The following LPXN variants were observed in gnomAD, a reference collection of about 807,000 sequenced individuals.
The protein encoded by LPXN is leupaxin.
A neutral mutation model predicts 45.6 loss-of-function variants in LPXN; 28 were observed. The ratio of observed to expected loss-of-function variants is 0.61; its 90% CI spans 0.45 to 0.84. The LOEUF (loss-of-function observed/expected upper bound fraction) is 0.84. Ranked by LOEUF, LPXN falls within the 40% of genes least tolerant of loss-of-function variation. The pLI is 0.00. For synonymous variants in LPXN, 166 were observed against 169.9 expected, an observed-to-expected ratio of 0.98 and a Z score of 0.18; for missense variants, 459 against 475.0, an observed-to-expected ratio of 0.97 and a Z score of 0.31.
chr11:58,541,886 T>G (rs1317129064), intron 7 of LPXN, among the ~76,000 whole-genome samples: 1 of 152,086 alleles, frequency 6.6e-6, no homozygotes, highest in Non-Finnish European at 1.5e-5. Flanking sequence ...TCATGTCCTT[T>G]GTAGGGACAT....
chr11:58,534,041 A>C (rs1853475615), intron 7 of LPXN, among the ~76,000 whole-genome samples: 1 of 152,214 alleles, frequency 6.6e-6, no homozygotes, highest in African/African-American at 2.4e-5. Flanking sequence ...TTAGAGACCT[A>C]CAAAGACTCT....
chr11:58,565,520 C>A lies in LPXN; in HGVS notation c.172-1319G>T, dbSNP rs187630416. Among the ~76,000 whole-genome samples, 327 of 145,674 alleles carry A rather than the reference C, an allele frequency of 2.2e-3. 2 individuals are homozygous for A. Among genetic ancestry groups the A allele is most frequent in the African/African-American group, 7.9e-3 (313 of 39,414 alleles). On this transcript the variant is annotated intron_variant, in intron 2 of 8. Transcript: ENST00000395074. Reference sequence around the variant, plus strand: ...CTGCACTCCAGCCTGGGTGACAGAGCGAGACTCGGTCTCAAAAAAAAAAAA... The same window carrying A: ...CTGCACTCCAGCCTGGGTGACAGAGAGAGACTCGGTCTCAAAAAAAAAAAA...
At chr11:58,528,271 A>T in intron 7 of LPXN, 80 bp from the exon 8 acceptor site, 2 of 1,303,462 alleles carry the variant, frequency 1.5e-6, no homozygotes, top group South Asian at 1.3e-5. Flanking sequence ...AGGCCCTTTC[A>T]ATCTCAGTGT....
At chr11:58,563,097 T>C (rs965667384) in intron 3 of LPXN, among the ~76,000 whole-genome samples, 6 of 152,386 alleles carry the variant, frequency 3.9e-5, no homozygotes, top group South Asian at 4.1e-4. Flanking sequence ...TTTCATGTTA[T>C]ATGTTCATGC....
At chr11:58,577,560 T>C (rs562856287), upstream of LPXN, among the ~76,000 whole-genome samples, 25 of 152,136 alleles carry the variant, frequency 1.6e-4, no homozygotes, top group African/African-American at 5.5e-4. Context: ...TTGTAATGGA[T>C]GAAAAGAAAA....
At chr11:58,552,279 T>G (rs1405712138) in intron 4 of LPXN, among the ~76,000 whole-genome samples, 1 of 151,556 alleles carries the variant, frequency 6.6e-6, no homozygotes, top group Non-Finnish European at 1.5e-5. Context: ...AAGCCCAAAA[T>G]TATTATAAAC....
At position 58,527,725 on chromosome 11, in the gene LPXN, T is replaced by A. The variant is rs755551193; in HGVS notation, c.892-2A>T. 2.5e-6 allele frequency: 4 copies of A among 1,612,324 alleles called. No homozygotes were observed. Among genetic ancestry groups the A allele is most frequent in the Non-Finnish European group, 3.4e-6 (4 of 1,178,682 alleles). On this transcript the variant is annotated splice_acceptor_variant, in intron 8 of 8. Coordinates refer to ENST00000395074, the MANE Select transcript of LPXN (RefSeq NM_004811.3). LOFTEE classifies it high-confidence loss of function. ...AGTAGAAAAACTGGTGAAGCAGTCC[T>A]GGGGTAGAGAGAAGAGAGAGAAAAA...
At chr11:58,551,336 C>G in intron 4 of LPXN, 104 bp from the exon 5 acceptor site, 1 of 911,556 alleles carries the variant, frequency 1.1e-6, no homozygotes, top group Non-Finnish European at 1.5e-6. Flanking sequence ...ATCTCTTGGC[C>G]TTTCCCCAAC....
At chr11:58,569,637 G>A (rs938930183) in intron 2 of LPXN, among the ~76,000 whole-genome samples, 2 of 151,924 alleles carry the variant, frequency 1.3e-5, no homozygotes, top group South Asian at 2.1e-4. Flanking sequence ...TGATCCCCCC[G>A]CCTCAGCCTT....
upstream of LPXN, among the ~76,000 whole-genome samples, chr11:58,578,408 C>T (rs1400056445): frequency 6.6e-6 from 1 of 152,014 alleles, no homozygotes; most frequent in African/African-American, 2.4e-5. Flanking sequence ...CCCAGAATGC[C>T]CTTGGTTAAG....
intron 7 of LPXN, among the ~76,000 whole-genome samples, chr11:58,534,304 C>G (rs917826214): frequency 2.0e-5 from 3 of 152,122 alleles, no homozygotes. Context: ...TGCAAAAGAA[C>G]AGAAATCATA....
chr11:58,562,216 T>A (rs1175161743), intron 3 of LPXN, among the ~76,000 whole-genome samples: 1 of 152,248 alleles, frequency 6.6e-6, no homozygotes, highest in African/African-American at 2.4e-5. Flanking sequence ...TATTGATATA[T>A]AACTATACTA....
chr11:58,541,933 C>T (rs1169434571), intron 7 of LPXN, among the ~76,000 whole-genome samples: 3 of 151,748 alleles, frequency 2.0e-5, no homozygotes, highest in Non-Finnish European at 4.4e-5. Context: ...AGTAAACTAT[C>T]TCAAGGACAA....
chr11:58,575,237 G>T (rs1240555225), intron 1 of LPXN, among the ~76,000 whole-genome samples: 5 of 152,170 alleles, frequency 3.3e-5, no homozygotes, highest in Non-Finnish European at 5.9e-5. Context: ...GAGTTAGAGT[G>T]CTATGCCTTC....
rs755521841 is a variant in LPXN, at chr11:58,564,166, G to A, written c.207C>T (p.Leu69=). The part of the protein sequence containing the change: ...QLVYTTNIQE[L]NVYSEAQEPK... ...AGAAAAAAAAATACCTGTAGACATTGAGCTCCTGGATATTGGTAGTATACA... is the reference window on the plus strand; with the variant it reads ...AGAAAAAAAAATACCTGTAGACATTAAGCTCCTGGATATTGGTAGTATACA... The change falls in exon 3 of 9, where the codon CTC becomes CTT. Residue 69 remains leucine (L), a synonymous_variant. Transcript: ENST00000395074. 9 of 1,597,228 alleles carry A rather than the reference G, an allele frequency of 5.6e-6. No homozygotes were observed. The African/African-American group carries it at 1.2e-4, about 22-fold the overall frequency.
rs529700903 is a variant in LPXN, at chr11:58,534,217, A to G, written c.743-6026T>C. ...ACTCTCCACCCGAAATCAACAGAAT[A>G]TACATTCTTGTCAGCACCACATCAT... On this transcript the variant is annotated intron_variant, in intron 7 of 8. Transcript: ENST00000395074. Among the ~76,000 whole-genome samples, 3 of 152,344 alleles carry G rather than the reference A, an allele frequency of 2.0e-5. No individual in the cohort carries two copies. In the East Asian group the frequency reaches 5.8e-4, roughly 29 times the overall value.
In LPXN at chr11:58,551,048, A is replaced by C; in HGVS notation, c.486+17T>G. The C allele has an allele frequency of 6.5e-7, 1 of 1,538,470 alleles. No homozygotes were observed. The highest frequency in any genetic ancestry group is 8.7e-7 in the Non-Finnish European group (1 of 1,143,660). ...AGACAAAGAAGGCTGTAGGACCAAA[A>C]TTTCAGCCCATCTCACCTTCCCAGC... is the stretch of plus-strand genomic sequence containing the variant. On this transcript the variant is annotated intron_variant, in intron 5 of 8. Coordinates refer to ENST00000395074, the MANE Select transcript of LPXN (RefSeq NM_004811.3).
chr11:58,575,702 AGGAGAT>A (rs770662714), intron 1 of LPXN, 52 bp downstream of exon 1: 745 of 1,593,490 alleles, frequency 4.7e-4, no homozygotes, highest in Non-Finnish European at 5.9e-4. Context: ...CCACCACACA[AGGAGAT>A]GGCAGCCAAG....
At chr11:58,568,297 T>G (rs955788371) in intron 2 of LPXN, among the ~76,000 whole-genome samples, 4 of 152,158 alleles carry the variant, frequency 2.6e-5, no homozygotes, top group Non-Finnish European at 5.9e-5. Context: ...TCTTTTGCAT[T>G]TAACCATAAT....
Sources: allele counts gnomAD v4.1 joint callset (sites outside exome capture counted in the v4.1 genomes callset), GRCh38; gene constraint gnomAD v4.1.1; transcripts MANE v1.5; gene names NCBI Gene and HGNC (gene_info 2026-07-23, HGNC 2026-07-21).